Variants in MGAT4C observed in about 807,000 individuals in gnomAD.
MGAT4C encodes alpha-1,3-mannosyl-glycoprotein 4-beta-N-acetylglucosaminyltransferase C.
In MGAT4C, 19 loss-of-function variants were observed where a neutral mutation model predicts 40.1. The ratio of observed to expected loss-of-function variants is 0.47; its 90% CI spans 0.33 to 0.70. The LOEUF is 0.70. MGAT4C is among the 30% of genes least tolerant of loss of function. MGAT4C has a pLI of 0.02. For missense variants in MGAT4C, 491 were observed against 563.2 expected, an observed-to-expected ratio of 0.87 and a Z score of 1.30; for synonymous variants, 181 against 187.1, an observed-to-expected ratio of 0.97 and a Z score of 0.27.
chr12:86,443,056 AACTATAATATGC>A (rs1957261198), intron 2 of MGAT4C, among the ~76,000 whole-genome samples: 1 of 152,206 alleles, frequency 6.6e-6, no homozygotes, highest in South Asian at 2.1e-4. Context: ...GCATAAACAT[AACTATAATATGC>A]ACTGGGAAAC....
intron 1 of MGAT4C, among the ~76,000 whole-genome samples, chr12:86,078,678 T>C (rs1048937773): frequency 1.2e-4 from 19 of 152,272 alleles, no homozygotes; most frequent in African/African-American, 4.3e-4. Context: ...TCAGCCTTGG[T>C]GAGTGGAAGT....
intron 4 of MGAT4C, among the ~76,000 whole-genome samples, chr12:86,295,111 T>A (rs947783048): frequency 1.3e-5 from 2 of 152,198 alleles, no homozygotes; most frequent in Non-Finnish European, 2.9e-5. Flanking sequence ...CTTAACTACT[T>A]ATTATTTTAT....
rs563496049 is a variant in MGAT4C, at chr12:86,492,345, C to T, written c.-228-57080G>A. Among the ~76,000 whole-genome samples the T allele has an allele frequency of 1.2e-4, 18 of 152,236 alleles. No individual in the cohort carries two copies. In the East Asian group the frequency reaches 2.9e-3, roughly 25 times the overall value. On this transcript the variant is annotated intron_variant, in intron 2 of 7. Transcript: ENST00000548651. Reference sequence around the variant, plus strand: ...AACGAGCCCGCATTGCCAAGTCAATCCTAAGCCAAAAGAACAAAGCTGGAG... The same window carrying T: ...AACGAGCCCGCATTGCCAAGTCAATTCTAAGCCAAAAGAACAAAGCTGGAG...
chr12:86,311,171 A>G (rs1954063900), intron 4 of MGAT4C, among the ~76,000 whole-genome samples: 2 of 152,172 alleles, frequency 1.3e-5, no homozygotes, highest in East Asian at 1.9e-4. Flanking sequence ...CAAACATCCT[A>G]TAGTGTACCT....
chr12:85,989,632 C>T, intron 2 of MGAT4C, 80 bp from the exon 3 acceptor site: 1 of 1,296,924 alleles, frequency 7.7e-7, no homozygotes, highest in South Asian at 1.6e-5. Flanking sequence ...AAAGTCAGGT[C>T]CTTGTAAAAT....
chr12:86,556,047 A>G (rs1410736095), intron 2 of MGAT4C, among the ~76,000 whole-genome samples: 1 of 152,236 alleles, frequency 6.6e-6, no homozygotes, highest in African/African-American at 2.4e-5. Context: ...TCTCAAGTCT[A>G]TAATTCTTTT....
intron 1 of MGAT4C, among the ~76,000 whole-genome samples, chr12:86,233,480 A>C (rs1177496577): frequency 6.6e-6 from 1 of 152,160 alleles, no homozygotes; most frequent in Non-Finnish European, 1.5e-5. Flanking sequence ...CTGGGTTTCA[A>C]GGAGTAGAAA....
intron 1 of MGAT4C, among the ~76,000 whole-genome samples, chr12:86,060,849 T>A (rs1893887430): frequency 6.6e-6 from 1 of 152,142 alleles, no homozygotes; most frequent in Non-Finnish European, 1.5e-5. Flanking sequence ...TTCTTGGTGC[T>A]CCTGGGGGAC....
intron 2 of MGAT4C, among the ~76,000 whole-genome samples, chr12:86,504,262 C>T (rs1216580326): frequency 6.6e-6 from 1 of 151,980 alleles, no homozygotes; most frequent in African/African-American, 2.4e-5. Context: ...ATGCACTATC[C>T]TATGACTCAG....
At chr12:86,187,475 C>A (rs1315001916) in intron 1 of MGAT4C, among the ~76,000 whole-genome samples, 2 of 151,932 alleles carry the variant, frequency 1.3e-5, no homozygotes, top group East Asian at 3.9e-4. Context: ...CTTTGCATTA[C>A]TTTTTTCCTA....
intron 4 of MGAT4C, among the ~76,000 whole-genome samples, chr12:86,325,679 A>C (rs1954509425): frequency 6.6e-6 from 1 of 152,114 alleles, no homozygotes; most frequent in South Asian, 2.1e-4. Context: ...GGAGTTCAAG[A>C]CCAGCCTGGG....
intron 2 of MGAT4C, among the ~76,000 whole-genome samples, chr12:86,643,640 C>A (rs79207636): frequency 0.019 from 2,850 of 151,770 alleles, 34 homozygotes; most frequent in Non-Finnish European, 0.029. Flanking sequence ...CCAAAATAGA[C>A]AAATTCATAG....
intron 2 of MGAT4C, among the ~76,000 whole-genome samples, chr12:86,533,247 T>C (rs913579861): frequency 6.6e-6 from 1 of 152,028 alleles, no homozygotes; most frequent in Admixed American, 6.6e-5. Context: ...GGAATCTTGA[T>C]GAGCTACTCT....
chr12:86,084,361 T>C (rs1263780983), intron 1 of MGAT4C, among the ~76,000 whole-genome samples: 1 of 152,034 alleles, frequency 6.6e-6, no homozygotes, highest in African/African-American at 2.4e-5. Context: ...TTAAAAGATA[T>C]GTAATATTTT....
At chr12:86,132,728 C>T (rs908475086) in intron 1 of MGAT4C, among the ~76,000 whole-genome samples, 1 of 139,320 alleles carries the variant, frequency 7.2e-6, no homozygotes, top group South Asian at 2.3e-4. Context: ...GGAGGCGGAG[C>T]TTGCTGTGAG....
rs115433565 is a variant in MGAT4C at position 86,032,950 on chromosome 12, A to G, written c.-7+16724T>C. Among the ~76,000 whole-genome samples the G allele has an allele frequency of 3.9e-3, 580 of 149,906 alleles. 10 individuals are homozygous for G. The highest frequency in any genetic ancestry group is 0.014 in the African/African-American group (563 of 41,392). On this transcript the variant is annotated intron_variant, in intron 2 of 4. Transcript: ENST00000611864. ...TTGAGTTGATTTTTGTATATGGTGT[A>G]AGGAAAGTGTCTATATTTAGTTTTT... is the stretch of plus-strand genomic sequence containing the variant.
intron 1 of MGAT4C, among the ~76,000 whole-genome samples, chr12:86,135,241 T>C (rs1177536219): frequency 6.6e-6 from 1 of 152,072 alleles, no homozygotes; most frequent in Admixed American, 6.5e-5. Context: ...GGATATAGAG[T>C]AGCTTTTGAA....
intron 2 of MGAT4C, among the ~76,000 whole-genome samples, chr12:86,481,758 C>T (rs373046850): frequency 2.1e-4 from 32 of 151,600 alleles, no homozygotes; most frequent in Admixed American, 5.9e-4. Flanking sequence ...CAACATGGTA[C>T]GTATAAATAA....
chr12:86,726,948 C>G (rs1049696120), intron 2 of MGAT4C, among the ~76,000 whole-genome samples: 11 of 152,066 alleles, frequency 7.2e-5, no homozygotes, highest in Non-Finnish European at 7.4e-5. Context: ...GAAGTAAAAT[C>G]CTATGGCCTT....
Sources: gnomAD v4.1 joint callset for allele counts (sites outside exome capture counted in the v4.1 genomes callset) on GRCh38, gnomAD v4.1.1 for gene constraint, MANE v1.5 for transcripts, NCBI Gene and HGNC (gene_info 2026-07-23, HGNC 2026-07-21) for gene names.